COL4A6: variants seen among roughly 807,000 people sequenced by gnomAD.
The protein encoded by COL4A6 is collagen alpha-6(IV) chain.
In COL4A6, 59 loss-of-function variants were observed where a neutral mutation model predicts 126.7. The observed-to-expected ratio is 0.47, with a 90% CI of 0.38 to 0.58. The LOEUF is 0.58. Among genes scored for constraint, COL4A6 ranks in the 20% least tolerant of loss-of-function variants. The pLI, the probability that COL4A6 is intolerant of heterozygous loss-of-function variation, is 0.00. For synonymous variants in COL4A6, 547 were observed against 496.6 expected, an observed-to-expected ratio of 1.10 and a Z score of -1.35; for missense variants, 1,285 against 1,337.3, an observed-to-expected ratio of 0.96 and a Z score of 0.61.
At chrX:108,222,294 T>C (rs979001202) in intron 3 of COL4A6, among the ~76,000 whole-genome samples, 2 of 112,005 alleles carry the variant, frequency 1.8e-5, no homozygotes, top group Non-Finnish European at 3.8e-5. Flanking sequence ...CCATTAGTAA[T>C]ATGCATTACC....
chrX:108,411,506 C>A (rs1391330000), intron 2 of COL4A6, among the ~76,000 whole-genome samples: 1 of 111,430 alleles, frequency 9.0e-6, no homozygotes, highest in Non-Finnish European at 1.9e-5. Context: ...ACTGTTATCT[C>A]CACTTTACAA....
At chrX:108,325,833 C>T (rs1339040266) in intron 2 of COL4A6, among the ~76,000 whole-genome samples, 2 of 110,394 alleles carry the variant, frequency 1.8e-5, no homozygotes, top group African/African-American at 3.3e-5. Context: ...CTATGATTAT[C>T]TCAATAGATG....
chrX:108,363,741 C>T (rs898140996), intron 2 of COL4A6, among the ~76,000 whole-genome samples: 1 of 112,353 alleles, frequency 8.9e-6, no homozygotes. Context: ...ACGTAATAAC[C>T]TGCATTTTAT....
At chrX:108,383,500 GT>G (rs1471345814) in intron 2 of COL4A6, 1 of 433,647 alleles carries the variant, frequency 2.3e-6, no homozygotes, top group Non-Finnish European at 4.2e-6. Context: ...GAAGATGTTG[GT>G]GGCCCTGTTT....
chrX:108,169,669 C>G (rs1039847998), intron 36 of COL4A6, 49 bp from the exon 37 acceptor site: 25 of 1,165,563 alleles, frequency 2.1e-5, no homozygotes, highest in Non-Finnish European at 2.8e-5. Flanking sequence ...GAGGTGAGGC[C>G]TTCCTGCCTA....
chrX:108,437,127 A>T (rs2064282619), intron 2 of COL4A6, among the ~76,000 whole-genome samples: 1 of 112,047 alleles, frequency 8.9e-6, no homozygotes, highest in Non-Finnish European at 1.9e-5. Flanking sequence ...CAGCTTAAGT[A>T]GCTAGTGAAA....
intron 32 of COL4A6, 71 bp downstream of exon 32, chrX:108,172,398 A>G: frequency 4.1e-6 from 2 of 491,426 alleles, no homozygotes; most frequent in Non-Finnish European, 3.2e-6. Context: ...AAAGAGAGAG[A>G]CCCTTGGGCC....
At chrX:108,252,401 G>C (rs2036872537) in intron 3 of COL4A6, among the ~76,000 whole-genome samples, 1 of 111,513 alleles carries the variant, frequency 9.0e-6, no homozygotes, top group Non-Finnish European at 1.9e-5. Flanking sequence ...CAATTAGATT[G>C]ATTCTATATG....
chrX:108,325,866 C>T (rs2039145029), intron 2 of COL4A6, among the ~76,000 whole-genome samples: 1 of 109,757 alleles, frequency 9.1e-6, no homozygotes, highest in Non-Finnish European at 1.9e-5. Context: ...TTGAGAAAAT[C>T]CAGCCTCTAC....
intron 3 of COL4A6, among the ~76,000 whole-genome samples, chrX:108,283,302 A>T (rs192098739): frequency 9.0e-6 from 1 of 111,699 alleles, no homozygotes; most frequent in East Asian, 2.8e-4. Context: ...GGTCCTTTCC[A>T]ACTCTAACAT....
rs1245009312 is a variant in COL4A6 at position 108,158,318 on chromosome X, A to C, written c.4813-1058T>G. ...TCCTTTGAATTATTTTCTCCTTTTTAATAGGTATGTCTCATTGCTTCAAGA... is the reference window on the plus strand; with the variant it reads ...TCCTTTGAATTATTTTCTCCTTTTTCATAGGTATGTCTCATTGCTTCAAGA... On this transcript the variant is annotated intron_variant, in intron 44 of 44. Coordinates refer to ENST00000334504, the MANE Select transcript of COL4A6 (RefSeq NM_033641.4). 5.3e-5 allele frequency among the ~76,000 whole-genome samples: 6 copies of C among 112,640 alleles called. No homozygotes were observed. The Admixed American group carries it at 5.6e-4, about 11-fold the overall frequency.
intron 3 of COL4A6, among the ~76,000 whole-genome samples, chrX:108,248,767 C>A (rs2036778351): frequency 1.8e-5 from 2 of 110,944 alleles, no homozygotes; most frequent in South Asian, 7.7e-4. Context: ...AGGAACTGAG[C>A]TGCACAGTGA....
At chrX:108,213,224 G>C (rs1195413561) in intron 6 of COL4A6, among the ~76,000 whole-genome samples, 2 of 112,106 alleles carry the variant, frequency 1.8e-5, no homozygotes, top group Non-Finnish European at 3.8e-5. Flanking sequence ...TATAAAACAT[G>C]TCTCATGAAT....
At chrX:108,408,824 G>T (rs1349147469) in intron 2 of COL4A6, among the ~76,000 whole-genome samples, 1 of 110,969 alleles carries the variant, frequency 9.0e-6, no homozygotes, top group Non-Finnish European at 1.9e-5. Flanking sequence ...AGCCAGGTGT[G>T]GTGGCACATG....
At chrX:108,312,559 T>C (rs2038787840) in intron 2 of COL4A6, among the ~76,000 whole-genome samples, 1 of 111,783 alleles carries the variant, frequency 8.9e-6, no homozygotes, top group Non-Finnish European at 1.9e-5. Context: ...GAGAGCAGCA[T>C]TGAATTTTAT....
chrX:108,234,254 G>C (rs2036381765), intron 3 of COL4A6, among the ~76,000 whole-genome samples: 1 of 112,106 alleles, frequency 8.9e-6, no homozygotes, highest in Non-Finnish European at 1.9e-5. Flanking sequence ...AAGATCTTTA[G>C]TCTGAGTCTA....
intron 3 of COL4A6, among the ~76,000 whole-genome samples, chrX:108,283,476 G>T (rs919479090): frequency 2.6e-4 from 29 of 111,803 alleles, no homozygotes; most frequent in African/African-American, 9.1e-4. Context: ...TAAGTGTTCA[G>T]TAAGTACTTG....
At chrX:108,218,863 T>A (rs752508768) in intron 5 of COL4A6, among the ~76,000 whole-genome samples, 1 of 111,878 alleles carries the variant, frequency 8.9e-6, no homozygotes, top group East Asian at 2.8e-4. Context: ...TTCTATATGC[T>A]GAGATTCTGT....
At chrX:108,223,216 A>C (rs1051299130) in intron 3 of COL4A6, among the ~76,000 whole-genome samples, 4 of 110,948 alleles carry the variant, frequency 3.6e-5, no homozygotes, top group Non-Finnish European at 7.5e-5. Flanking sequence ...AACATCACAC[A>C]TGCGGGCCTG....
Sources: allele counts gnomAD v4.1 joint callset (sites outside exome capture counted in the v4.1 genomes callset), GRCh38; gene constraint gnomAD v4.1.1; transcripts MANE v1.5; gene names NCBI Gene and HGNC (gene_info 2026-07-23, HGNC 2026-07-21).